The following HHIPL1 variants were observed in gnomAD, a reference collection of about 807,000 sequenced individuals.
HHIPL1 encodes the protein HHIP-like protein 1.
A neutral mutation model predicts 61.8 loss-of-function variants in HHIPL1; 43 were observed. That is an observed-to-expected ratio of 0.70 (90% CI 0.55 to 0.90). The LOEUF (loss-of-function observed/expected upper bound fraction) is 0.90, where lower values mean the gene tolerates loss of function less well. Among genes scored for constraint, HHIPL1 ranks in the 40% least tolerant of loss-of-function variants. The probability of loss-of-function intolerance (pLI) is 0.00; values close to 1 mark genes in which losing one functional copy is unlikely to be tolerated. For missense variants in HHIPL1, 1,056 were observed against 1,157.7 expected (o/e 0.91, Z 1.28); for synonymous variants, 482 against 515.8 (o/e 0.93, Z 0.89).
chr14:99,645,239 C>A lies in HHIPL1; in HGVS notation c.32C>A (p.Ala11Glu), dbSNP rs1308406482. The A allele has an allele frequency of 6.7e-6, 9 of 1,352,038 alleles. No homozygotes were observed. The East Asian group carries it at 2.5e-4, about 37-fold the overall frequency. 83.8% of individuals were successfully genotyped at this position (1,352,038 alleles called of 1,614,324 possible). MARARAGALL[A>E]LWVLGAAAHP... ...CGGGCCAGGGCCGGGGCGCTGCTGG[C>A]GCTTTGGGTGCTCGGGGCCGCCGCG... The change falls in exon 1 of 9, where the codon GCG becomes GAG. Residue 11 changes from alanine to glutamate, a missense_variant. Ala to Glu is a moderately radical substitution (Grantham distance 107, BLOSUM62 -1). Transcript: ENST00000330710.
the HHIPL1 span, among the ~76,000 whole-genome samples, chr14:99,628,179 G>A: frequency 2.0e-5 from 3 of 152,222 alleles, no homozygotes; most frequent in African/African-American, 7.2e-5. Context: ...AGGTCCCCAG[G>A]TAGCATGGCA....
intron 1 of HHIPL1, among the ~76,000 whole-genome samples, chr14:99,645,783 T>G (rs1190576467): frequency 6.6e-6 from 1 of 152,044 alleles, no homozygotes; most frequent in African/African-American, 2.4e-5. Context: ...TCCCCTGGAG[T>G]CGACCCCTCA....
intron 6 of HHIPL1, among the ~76,000 whole-genome samples, chr14:99,666,237 G>A (rs2056242759): frequency 1.3e-5 from 2 of 152,224 alleles, no homozygotes; most frequent in Admixed American, 6.5e-5. Flanking sequence ...GCACCTCGGG[G>A]GAGAACAGGA....
the HHIPL1 span, among the ~76,000 whole-genome samples, chr14:99,613,860 G>A: frequency 0.014 from 2,153 of 152,116 alleles, 13 homozygotes; most frequent in Non-Finnish European, 0.02. Context: ...GCAGTGAGCC[G>A]AGATCATGCC....
At chr14:99,653,311 G>A (rs1024180202) in intron 2 of HHIPL1, among the ~76,000 whole-genome samples, 3 of 130,410 alleles carry the variant, frequency 2.3e-5, no homozygotes, top group African/African-American at 8.1e-5. Flanking sequence ...GCCTCGCTCT[G>A]GCCTGAAGGT....
chr14:99,613,164 T>A, the HHIPL1 span, among the ~76,000 whole-genome samples: 1 of 152,152 alleles, frequency 6.6e-6, no homozygotes, highest in South Asian at 2.1e-4. Context: ...TGAAGTTGTC[T>A]GAGGAGCCCC....
At chr14:99,664,271 TG>T (rs1464144975) in intron 6 of HHIPL1, among the ~76,000 whole-genome samples, 1 of 152,154 alleles carries the variant, frequency 6.6e-6, no homozygotes, top group Non-Finnish European at 1.5e-5. Flanking sequence ...GGGCTGTGTC[TG>T]GGAAACCTTT....
rs1344508319 is a variant in HHIPL1 at position 99,645,369 on chromosome 14, C to T, written c.162C>T (p.Ala54=). The T allele has an allele frequency of 1.4e-6, 2 of 1,440,820 alleles. No homozygotes were observed. The highest frequency in any genetic ancestry group is 1.8e-6 in the Non-Finnish European group (2 of 1,100,512). 89.3% of individuals were successfully genotyped at this position (1,440,820 alleles called of 1,614,324 possible). Residue 54 remains alanine, a synonymous_variant, in exon 1 of 9, where the codon GCC becomes GCT. Coordinates refer to ENST00000330710, the MANE Select transcript of HHIPL1 (RefSeq NM_001127258.3). The part of the protein sequence containing the change: ...DFGCCDEGRD[A]ELTRRFWALA... Reference sequence around the variant, plus strand: ...GCTGCTGCGATGAGGGGCGCGACGCCGAGCTGACCCGCCGCTTCTGGGCCC... The same window carrying T: ...GCTGCTGCGATGAGGGGCGCGACGCTGAGCTGACCCGCCGCTTCTGGGCCC...
chr14:99,625,560 A>G, the HHIPL1 span: 1 of 152,082 alleles, frequency 6.6e-6, no homozygotes, highest in African/African-American at 2.4e-5. Flanking sequence ...GCACTAGGAG[A>G]ATGCTGGAGA....
chr14:99,630,231 G>A, the HHIPL1 span, among the ~76,000 whole-genome samples: 1 of 152,382 alleles, frequency 6.6e-6, no homozygotes, highest in African/African-American at 2.4e-5. Flanking sequence ...CCATTTGGTA[G>A]AAGCTGCAGC....
In HHIPL1 at chr14:99,660,042, T is replaced by G. The variant is rs1037558728; in HGVS notation, c.1376-238T>G. Among the ~76,000 whole-genome samples the G allele has an allele frequency of 8.6e-5, 13 of 150,694 alleles. No homozygotes were observed. Among genetic ancestry groups the G allele is most frequent in the African/African-American group, 3.2e-4 (13 of 40,748 alleles). On this transcript the variant is annotated intron_variant, in intron 4 of 8. Transcript: ENST00000330710. The surrounding 1 kb of genome is among the most constrained non-coding windows in gnomAD (Gnocchi z 4.9). Reference sequence around the variant, plus strand: ...CCCCCGCCTCCACCCGGAGCCTCCCTGCGCCTTGGAGGCCTCCCAGCAGCG... The same window carrying G: ...CCCCCGCCTCCACCCGGAGCCTCCCGGCGCCTTGGAGGCCTCCCAGCAGCG...
chr14:99,607,021 CTTTTTTTTTTTTTT>C, the HHIPL1 span, among the ~76,000 whole-genome samples: 31 of 68,404 alleles, frequency 4.5e-4, no homozygotes, highest in African/African-American at 2.0e-3. Flanking sequence ...GTGACTTTGC[CTTTTTTTTTTTTTT>C]TTTTTTTTTT....
chr14:99,667,616 C>T (rs2056266477), intron 6 of HHIPL1, among the ~76,000 whole-genome samples: 1 of 152,200 alleles, frequency 6.6e-6, no homozygotes, highest in African/African-American at 2.4e-5. Context: ...GTACTCTGCT[C>T]CTGCCTGGGA....
chr14:99,626,906 A>G, the HHIPL1 span, among the ~76,000 whole-genome samples: 1 of 152,184 alleles, frequency 6.6e-6, no homozygotes, highest in Admixed American at 6.5e-5. Flanking sequence ...TGCAGGGCTT[A>G]TCCCTTGGGG....
chr14:99,627,110 A>T, the HHIPL1 span, among the ~76,000 whole-genome samples: 7 of 151,824 alleles, frequency 4.6e-5, no homozygotes, highest in African/African-American at 1.7e-4. This position sits in a 1 kb window ranked among gnomAD's most constrained non-coding sequence, Gnocchi z 4.4. Flanking sequence ...CCAGCTATCC[A>T]TCCGTCCATC....
At chr14:99,670,711 G>T (rs1595170208) in intron 7 of HHIPL1, among the ~76,000 whole-genome samples, 2 of 152,182 alleles carry the variant, frequency 1.3e-5, no homozygotes, top group East Asian at 3.9e-4. Context: ...GTTGTATTTG[G>T]ATCACACGCA....
In HHIPL1 at chr14:99,652,651, T is replaced by C; in HGVS notation, c.683T>C (p.Leu228Pro). The part of the protein sequence containing the change: ...VWAYLPDRSR[L>P]GKPFLNISRV... ...GCCTACCTGCCCGACCGCTCGAGGC[T>C]GGGGAAGCCTTTCCTGAACATCAGC... The change falls in exon 2 of 9, where the codon CTG becomes CCG. Residue 228 changes from leucine to proline, a missense_variant. Coordinates refer to ENST00000330710, the MANE Select transcript of HHIPL1 (RefSeq NM_001127258.3). 3 of 1,613,732 alleles carry C rather than the reference T, an allele frequency of 1.9e-6. No homozygotes were observed. The highest frequency in any genetic ancestry group is 2.5e-6 in the Non-Finnish European group (3 of 1,179,886).
chr14:99,637,311 T>C, the HHIPL1 span, among the ~76,000 whole-genome samples: 37 of 151,780 alleles, frequency 2.4e-4, no homozygotes, highest in South Asian at 7.7e-3. Context: ...CCTGTAATCC[T>C]AGCACTTTGG....
the HHIPL1 span, among the ~76,000 whole-genome samples, chr14:99,609,053 T>C: frequency 6.6e-6 from 1 of 152,166 alleles, no homozygotes; most frequent in Admixed American, 6.5e-5. Flanking sequence ...CCTGGACCCA[T>C]GTTCACCACC....
Sources: allele counts gnomAD v4.1 joint callset (sites outside exome capture counted in the v4.1 genomes callset), GRCh38; gene constraint gnomAD v4.1.1; non-coding constraint Gnocchi (gnomAD v3.1); transcripts MANE v1.5; gene names NCBI Gene and HGNC (gene_info 2026-07-23, HGNC 2026-07-21).